The following PAN3 variants were observed in gnomAD, a reference collection of about 807,000 sequenced individuals.
PAN3 encodes the protein poly(A) specific ribonuclease subunit PAN3.
In PAN3, 19 loss-of-function variants were observed where a neutral mutation model predicts 96.2. That is an observed-to-expected ratio of 0.20 (90% CI 0.14 to 0.29). PAN3 has a LOEUF of 0.29. Among genes scored for constraint, PAN3 ranks in the 10% least tolerant of loss-of-function variants. The probability of loss-of-function intolerance (pLI) is 1.00; values close to 1 mark genes in which losing one functional copy is unlikely to be tolerated. For missense variants in PAN3, 882 were observed against 1,108.1 expected, an observed-to-expected ratio of 0.80 and a Z score of 2.90; for synonymous variants, 433 against 406.6, an observed-to-expected ratio of 1.06 and a Z score of -0.78.
chr13:28,237,809 C>A (rs1883247417), intron 6 of PAN3, among the ~76,000 whole-genome samples: 1 of 152,122 alleles, frequency 6.6e-6, no homozygotes, highest in African/African-American at 2.4e-5. Context: ...TCTCTGAGTA[C>A]ATGTGCATTT....
intron 6 of PAN3, among the ~76,000 whole-genome samples, chr13:28,226,566 GC>G (rs1166536502): frequency 6.6e-6 from 1 of 152,140 alleles, no homozygotes; most frequent in Non-Finnish European, 1.5e-5. Context: ...TTTAATAAAT[GC>G]TTACTCAATA....
In PAN3 at chr13:28,232,997, A is replaced by G. The variant is rs1882734557; in HGVS notation, c.1000+12619A>G. 2.0e-5 allele frequency among the ~76,000 whole-genome samples: 3 copies of G among 152,326 alleles called. No individual in the cohort carries two copies. The South Asian group carries it at 6.2e-4, about 32-fold the overall frequency. ...TATAAAACATCTGAATTTACAGATT[A>G]GAATACTATTATCTTTTTTTTTCTT... On this transcript the variant is annotated intron_variant, in intron 6 of 18. Coordinates refer to ENST00000380958, the MANE Select transcript of PAN3 (RefSeq NM_175854.8).
chr13:28,152,445 G>A (rs751814555), intron 1 of PAN3, among the ~76,000 whole-genome samples: 3 of 151,976 alleles, frequency 2.0e-5, no homozygotes, highest in Admixed American at 6.6e-5. Flanking sequence ...TTAGCTGGGC[G>A]TGATGGTGGG....
intron 13 of PAN3, among the ~76,000 whole-genome samples, chr13:28,271,319 G>C (rs1266657975): frequency 1.3e-5 from 2 of 152,136 alleles, no homozygotes; most frequent in Non-Finnish European, 2.9e-5. Flanking sequence ...TGAGTCACAT[G>C]CTTTGAGAAC....
chr13:28,253,537 G>T (rs997304475), intron 6 of PAN3, among the ~76,000 whole-genome samples: 1 of 150,980 alleles, frequency 6.6e-6, no homozygotes, highest in African/African-American at 2.4e-5. Context: ...ATCCTTATTG[G>T]CGGGGGTGGT....
chr13:28,258,124 A>T (rs773493341), intron 7 of PAN3, among the ~76,000 whole-genome samples: 1 of 152,084 alleles, frequency 6.6e-6, no homozygotes, highest in South Asian at 2.1e-4. Context: ...AGCCTAAACT[A>T]TGCTATCTTA....
At chr13:28,208,487 G>T (rs207473620) in intron 5 of PAN3, among the ~76,000 whole-genome samples, 1 of 152,082 alleles carries the variant, frequency 6.6e-6, no homozygotes, top group Non-Finnish European at 1.5e-5. Flanking sequence ...TACAGGTTCA[G>T]TATACCTTAT....
chr13:28,198,578 C>CA (rs1166113707), intron 5 of PAN3, among the ~76,000 whole-genome samples: 1 of 151,970 alleles, frequency 6.6e-6, no homozygotes, highest in African/African-American at 2.4e-5. Flanking sequence ...GAAGTACCAA[C>CA]AAAAAAATTT....
chr13:28,281,880 C>T (rs1416200614), intron 17 of PAN3, among the ~76,000 whole-genome samples: 3 of 151,836 alleles, frequency 2.0e-5, no homozygotes, highest in Non-Finnish European at 2.9e-5. Context: ...AAGCGATTCT[C>T]CTGCTTCAGC....
chr13:28,196,711 G>A (rs1878099719), intron 4 of PAN3, among the ~76,000 whole-genome samples: 1 of 151,982 alleles, frequency 6.6e-6, no homozygotes, highest in Non-Finnish European at 1.5e-5. Context: ...AAGTGGGTTA[G>A]TTCTCAGTAG....
intron 17 of PAN3, among the ~76,000 whole-genome samples, chr13:28,285,038 TTCTTTATA>T (rs1330076162): frequency 6.6e-6 from 1 of 152,208 alleles, no homozygotes; most frequent in East Asian, 1.9e-4. Context: ...ATTTAAGTTG[TTCTTTATA>T]TAGTTATAGC....
intron 5 of PAN3, among the ~76,000 whole-genome samples, chr13:28,202,608 C>G (rs1878867775): frequency 1.3e-5 from 2 of 152,074 alleles, no homozygotes; most frequent in Admixed American, 6.6e-5. Context: ...ATACTACTTT[C>G]TCTGGGATTA....
chr13:28,149,553 G>C (rs141110215), intron 1 of PAN3, among the ~76,000 whole-genome samples: 11 of 152,162 alleles, frequency 7.2e-5, no homozygotes, highest in African/African-American at 2.7e-4. Context: ...AGTTTCATTT[G>C]GGTATGTAAT....
At chr13:28,217,663 T>A (rs1470748378) in intron 5 of PAN3, among the ~76,000 whole-genome samples, 1 of 152,090 alleles carries the variant, frequency 6.6e-6, no homozygotes, top group Non-Finnish European at 1.5e-5. Context: ...GAACATTAAT[T>A]TTTTTAAAAT....
At chr13:28,249,751 A>G (rs954759425) in intron 6 of PAN3, among the ~76,000 whole-genome samples, 5 of 152,104 alleles carry the variant, frequency 3.3e-5, no homozygotes, top group Middle Eastern at 3.2e-3. Context: ...CGCCCGGCCA[A>G]TAAGAATTTT....
At chr13:28,240,255 A>G (rs887257598) in intron 6 of PAN3, among the ~76,000 whole-genome samples, 2 of 152,154 alleles carry the variant, frequency 1.3e-5, no homozygotes, top group African/African-American at 4.8e-5. Flanking sequence ...GTTTAATTAT[A>G]TGGATTTTTA....
intron 15 of PAN3, among the ~76,000 whole-genome samples, chr13:28,278,679 TTAA>T (rs1887237274): frequency 6.6e-6 from 1 of 152,124 alleles, no homozygotes; most frequent in Non-Finnish European, 1.5e-5. Flanking sequence ...TTGATGTGAA[TTAA>T]TTTTTTTAAT....
intron 6 of PAN3, chr13:28,239,761 G>T (rs1427513585): frequency 1.0e-6 from 1 of 970,960 alleles, no homozygotes; most frequent in Non-Finnish European, 1.4e-6. Context: ...ATCATAAGGG[G>T]TTGCTGTTGT....
chr13:28,242,384 C>G (rs1326022806), intron 6 of PAN3, among the ~76,000 whole-genome samples: 1 of 151,808 alleles, frequency 6.6e-6, no homozygotes, highest in Non-Finnish European at 1.5e-5. Flanking sequence ...TTTTTTTCAA[C>G]AAAATTATTT....
Sources: gnomAD v4.1 joint callset for allele counts (sites outside exome capture counted in the v4.1 genomes callset) on GRCh38, gnomAD v4.1.1 for gene constraint, MANE v1.5 for transcripts, NCBI Gene and HGNC (gene_info 2026-07-23, HGNC 2026-07-21) for gene names.